ARHGAP26: variants seen among roughly 807,000 people sequenced by gnomAD.
The protein encoded by ARHGAP26 is rho GTPase-activating protein 26.
In ARHGAP26, 38 loss-of-function variants were observed where a neutral mutation model predicts 104.8. That is an observed-to-expected ratio of 0.36 (90% CI 0.28 to 0.48). ARHGAP26 has a LOEUF of 0.48. ARHGAP26 is among the 20% of genes least tolerant of loss of function. ARHGAP26 has a pLI of 0.99. For missense variants in ARHGAP26, 704 were observed against 947.9 expected, an observed-to-expected ratio of 0.74 and a Z score of 3.38; for synonymous variants, 341 against 340.0, an observed-to-expected ratio of 1.00 and a Z score of -0.03.
intron 14 of ARHGAP26, among the ~76,000 whole-genome samples, chr5:143,051,237 C>CT (rs1784975900): frequency 6.6e-6 from 1 of 152,196 alleles, no homozygotes; most frequent in Admixed American, 6.5e-5. Context: ...CAGTAATAGA[C>CT]TAGATGGCCC....
intron 20 of ARHGAP26, among the ~76,000 whole-genome samples, chr5:143,178,542 C>T (rs1449341570): frequency 1.3e-5 from 2 of 152,220 alleles, no homozygotes; most frequent in Non-Finnish European, 1.5e-5. Flanking sequence ...AGTCCTCCTC[C>T]AGGGAGCCTT....
chr5:142,844,733 T>C (rs950452442), intron 1 of ARHGAP26, among the ~76,000 whole-genome samples: 1 of 151,292 alleles, frequency 6.6e-6, no homozygotes, highest in African/African-American at 2.4e-5. Flanking sequence ...TGGGCTCCTA[T>C]AATCCCAGCT....
Position 143,227,405 on chromosome 5 carries a change from C to A in ARHGAP26, c.*4959C>A, listed in dbSNP as rs1446705681. On this transcript the variant is annotated 3_prime_UTR_variant, in exon 23 of 23. Transcript: ENST00000645722. ...TCACTTTATAAAGTCAGCAGGATGT[C>A]TTCTCACCCACCCTGTGCTGGTGTC... 1.3e-5 allele frequency: 3 copies of A among 231,642 alleles called. No homozygotes were observed. The highest frequency in any genetic ancestry group is 2.6e-5 in the Non-Finnish European group (3 of 117,118). The allele number at this position is 231,642 out of a possible 1,614,324, so 14.3% of individuals were successfully genotyped here. A position where few individuals can be genotyped will look rare whatever the true frequency, so the allele number is the denominator to read the frequency against.
Position 142,949,200 on chromosome 5 carries a change from AGAGAGAGAGAGAGAGAGAGAG to A in ARHGAP26, c.1107+17087_1107+17107del, listed in dbSNP as rs1767781065. Among the ~76,000 whole-genome samples the A allele has an allele frequency of 1.8e-4, 5 of 27,654 alleles. 1 individual carries two copies. The highest frequency in any genetic ancestry group is 1.4e-3 in the African/African-American group (4 of 2,864). The allele number at this position is 27,654 out of a possible 152,430, so 18.1% of individuals were successfully genotyped here. A position where few individuals can be genotyped will look rare whatever the true frequency, so the allele number is the denominator to read the frequency against. On this transcript the variant is annotated intron_variant, in intron 11 of 22. Coordinates refer to ENST00000645722, the MANE Select transcript of ARHGAP26 (RefSeq NM_001135608.3). The stretch of plus-strand genomic sequence containing the variant: ...GAGAGAGAGAGAGAGAGAGAGAGAG[AGAGAGAGAGAGAGAGAGAGAG>A]GAGAGAGAGAGGAGAGAGAGAGAGA...
At chr5:142,854,159 A>G (rs1445431506) in intron 1 of ARHGAP26, among the ~76,000 whole-genome samples, 1 of 152,242 alleles carries the variant, frequency 6.6e-6, no homozygotes, top group Non-Finnish European at 1.5e-5. Flanking sequence ...TTACCTGTAT[A>G]CATTCATGAA....
chr5:143,037,961 A>G (rs966682072), intron 13 of ARHGAP26, among the ~76,000 whole-genome samples: 2 of 152,344 alleles, frequency 1.3e-5, no homozygotes, highest in African/African-American at 4.8e-5. Flanking sequence ...GGAGCAGGAC[A>G]TTAAGATCAA....
intron 10 of ARHGAP26, among the ~76,000 whole-genome samples, chr5:142,925,838 A>G (rs1763830459): frequency 6.6e-6 from 1 of 152,210 alleles, no homozygotes; most frequent in South Asian, 2.1e-4. Flanking sequence ...AACTCTTGCC[A>G]ACAGAAGATT....
intron 17 of ARHGAP26, among the ~76,000 whole-genome samples, chr5:143,106,191 T>C (rs556404420): frequency 6.6e-6 from 1 of 152,314 alleles, no homozygotes; most frequent in African/African-American, 2.4e-5. Context: ...TTCTCCTTGA[T>C]GTAAATTTCT....
At chr5:143,122,779 C>T (rs1796292364) in intron 18 of ARHGAP26, among the ~76,000 whole-genome samples, 1 of 152,198 alleles carries the variant, frequency 6.6e-6, no homozygotes. Flanking sequence ...TCTCTCCCCT[C>T]ATTTATTGGA....
At chr5:142,925,358 T>G (rs1330289059) in intron 10 of ARHGAP26, among the ~76,000 whole-genome samples, 2 of 152,188 alleles carry the variant, frequency 1.3e-5, no homozygotes, top group Non-Finnish European at 2.9e-5. Context: ...AAGAGCAACA[T>G]AAGACCAAGT....
At chr5:142,774,345 C>T (rs1160434676) in intron 1 of ARHGAP26, among the ~76,000 whole-genome samples, 1 of 152,042 alleles carries the variant, frequency 6.6e-6, no homozygotes, top group Non-Finnish European at 1.5e-5. Context: ...AATTTGCATC[C>T]AGTCTGTAGT....
At chr5:142,838,416 AG>A (rs898467465) in intron 1 of ARHGAP26, among the ~76,000 whole-genome samples, 1 of 152,174 alleles carries the variant, frequency 6.6e-6, no homozygotes, top group African/African-American at 2.4e-5. Flanking sequence ...ATACAAAGGA[AG>A]TTAATTTTAT....
At chr5:142,812,052 C>T (rs1381074901) in intron 1 of ARHGAP26, among the ~76,000 whole-genome samples, 12 of 152,112 alleles carry the variant, frequency 7.9e-5, no homozygotes, top group African/African-American at 4.8e-5. Flanking sequence ...TCCTGGATGA[C>T]GTTTTTTGGA....
At chr5:143,036,055 C>T (rs747284998) in intron 12 of ARHGAP26, among the ~76,000 whole-genome samples, 6 of 151,662 alleles carry the variant, frequency 4.0e-5, no homozygotes, top group South Asian at 4.2e-4. Flanking sequence ...TACCCATATA[C>T]GCTAAGAATT....
intron 1 of ARHGAP26, among the ~76,000 whole-genome samples, chr5:142,778,944 A>AG (rs1208684316): frequency 7.6e-6 from 1 of 132,058 alleles, no homozygotes; most frequent in Non-Finnish European, 1.5e-5. Context: ...AAGGGATAGA[A>AG]AAAAAAAAAA....
intron 5 of ARHGAP26, among the ~76,000 whole-genome samples, chr5:142,888,283 C>T (rs150830529): frequency 2.9e-4 from 44 of 152,298 alleles, no homozygotes; most frequent in Non-Finnish European, 4.6e-4. Context: ...TGCTTTTCTA[C>T]GTCTCTATCT....
At chr5:142,930,850 A>G (rs930039217) in intron 10 of ARHGAP26, among the ~76,000 whole-genome samples, 1 of 152,236 alleles carries the variant, frequency 6.6e-6, no homozygotes, top group African/African-American at 2.4e-5. Flanking sequence ...TAGGTTTAGC[A>G]TATTCATTGG....
intron 9 of ARHGAP26, among the ~76,000 whole-genome samples, chr5:142,910,377 T>C (rs1425747104): frequency 6.6e-6 from 1 of 152,200 alleles, no homozygotes; most frequent in Admixed American, 6.5e-5. Context: ...GAGGACTGGC[T>C]GTCTAGAGGT....
intron 20 of ARHGAP26, among the ~76,000 whole-genome samples, chr5:143,185,293 G>A (rs1047600903): frequency 1.3e-5 from 2 of 152,208 alleles, no homozygotes; most frequent in African/African-American, 4.8e-5. Flanking sequence ...GTTAACTGTG[G>A]TACCTGGAGT....
Sources: gnomAD v4.1 joint callset for allele counts (sites outside exome capture counted in the v4.1 genomes callset) on GRCh38, gnomAD v4.1.1 for gene constraint, MANE v1.5 for transcripts, NCBI Gene and HGNC (gene_info 2026-07-23, HGNC 2026-07-21) for gene names.